The following BABAM2 variants were observed in gnomAD, a reference collection of about 807,000 sequenced individuals.
BABAM2 encodes BRISC and BRCA1-A complex member 2.
In BABAM2, 31 loss-of-function variants were observed where a neutral mutation model predicts 54.7. The ratio of observed to expected loss-of-function variants is 0.57; its 90% confidence interval spans 0.43 to 0.77. BABAM2 has a LOEUF of 0.77. Ranked by LOEUF, BABAM2 falls within the 30% of genes least tolerant of loss-of-function variation. The probability of loss-of-function intolerance (pLI) is 0.00; values close to 1 mark genes in which losing one functional copy is unlikely to be tolerated. For missense variants in BABAM2, 364 were observed against 455.8 expected (o/e 0.80, Z 1.83); for synonymous variants, 167 against 162.9 (o/e 1.03, Z -0.19).
At chr2:28,164,265 G>C (rs1381742401) in intron 7 of BABAM2, among the ~76,000 whole-genome samples, 3 of 152,184 alleles carry the variant, frequency 2.0e-5, no homozygotes, top group Non-Finnish European at 4.4e-5. Context: ...CTTCCCTTCA[G>C]TGTGTTTTTT....
chr2:28,170,478 A>G (rs983320505), intron 7 of BABAM2, among the ~76,000 whole-genome samples: 4 of 152,116 alleles, frequency 2.6e-5, no homozygotes, highest in African/African-American at 9.6e-5. Flanking sequence ...AGTGTATATA[A>G]AAAGCTAGGA....
intron 7 of BABAM2, among the ~76,000 whole-genome samples, chr2:28,171,570 T>G (rs1022869815): frequency 1.3e-5 from 2 of 152,232 alleles, no homozygotes; most frequent in Non-Finnish European, 2.9e-5. Context: ...AAGGCATTTT[T>G]TAAGCAGCCT....
At chr2:28,149,870 T>C (rs1032865325) in intron 7 of BABAM2, among the ~76,000 whole-genome samples, 4 of 152,224 alleles carry the variant, frequency 2.6e-5, no homozygotes, top group Admixed American at 2.6e-4. Flanking sequence ...AGTGTATTTA[T>C]TAGTGAATTG....
At chr2:27,963,082 T>C (rs1327246694) in intron 3 of BABAM2, among the ~76,000 whole-genome samples, 1 of 151,994 alleles carries the variant, frequency 6.6e-6, no homozygotes, top group African/African-American at 2.4e-5. Flanking sequence ...CAAGTGGAAT[T>C]ACTAGAATTA....
intron 10 of BABAM2, among the ~76,000 whole-genome samples, chr2:28,261,219 G>A (rs2148133138): frequency 6.6e-6 from 1 of 151,842 alleles, no homozygotes; most frequent in South Asian, 2.1e-4. Context: ...TGGGATTACG[G>A]GCATGAGCCA....
At chr2:28,187,076 A>G (rs1313872623) in intron 7 of BABAM2, among the ~76,000 whole-genome samples, 1 of 152,162 alleles carries the variant, frequency 6.6e-6, no homozygotes, top group Non-Finnish European at 1.5e-5. Flanking sequence ...AAGTACTGGG[A>G]TTGCAGGCGT....
At chr2:28,195,507 T>C (rs1677426566) in intron 7 of BABAM2, among the ~76,000 whole-genome samples, 1 of 152,214 alleles carries the variant, frequency 6.6e-6, no homozygotes. Context: ...ATGAGGACAG[T>C]GTAACAAACT....
At chr2:28,209,752 T>TAGGA (rs1679251720) in intron 7 of BABAM2, among the ~76,000 whole-genome samples, 3 of 152,182 alleles carry the variant, frequency 2.0e-5, no homozygotes. Context: ...TTCCTGCCAT[T>TAGGA]AGGAGACAGT....
intron 7 of BABAM2, among the ~76,000 whole-genome samples, chr2:28,231,599 G>C (rs1681393308): frequency 6.6e-6 from 1 of 151,946 alleles, no homozygotes; most frequent in Admixed American, 6.6e-5. Flanking sequence ...CTCTCCCTCA[G>C]AACCCAATTC....
chr2:28,116,870 G>A (rs777103644), intron 6 of BABAM2, among the ~76,000 whole-genome samples: 75 of 152,268 alleles, frequency 4.9e-4, no homozygotes, highest in Non-Finnish European at 9.3e-4. Context: ...AAAAATGAAA[G>A]CATGTGATCT....
intron 2 of BABAM2, among the ~76,000 whole-genome samples, chr2:27,920,345 T>C (rs1249553033): frequency 6.6e-6 from 1 of 152,186 alleles, no homozygotes; most frequent in Non-Finnish European, 1.5e-5. Flanking sequence ...AAAATGCTCA[T>C]GTTTTAGATT....
intron 6 of BABAM2, among the ~76,000 whole-genome samples, chr2:28,066,298 G>T (rs1223856105): frequency 6.6e-6 from 1 of 152,098 alleles, no homozygotes; most frequent in East Asian, 1.9e-4. Flanking sequence ...AATGTGGTCA[G>T]TGTTCCTCAC....
At chr2:28,175,470 C>T (rs1183503930) in intron 7 of BABAM2, among the ~76,000 whole-genome samples, 1 of 152,176 alleles carries the variant, frequency 6.6e-6, no homozygotes, top group Non-Finnish European at 1.5e-5. Context: ...ATTATCCCAC[C>T]CTGTCCCCAC....
chr2:28,297,334 T>C (rs1190327321), intron 10 of BABAM2, among the ~76,000 whole-genome samples: 1 of 152,230 alleles, frequency 6.6e-6, no homozygotes, highest in Non-Finnish European at 1.5e-5. Context: ...ATAACGTGTA[T>C]AAAGATACCC....
intron 4 of BABAM2, among the ~76,000 whole-genome samples, chr2:28,012,646 A>T (rs1674478325): frequency 6.6e-6 from 1 of 152,196 alleles, no homozygotes; most frequent in African/African-American, 2.4e-5. Context: ...CACGGTGCTT[A>T]TGTTCAATAA....
chr2:28,314,700 A>G (rs1355672006), intron 11 of BABAM2, among the ~76,000 whole-genome samples: 1 of 152,220 alleles, frequency 6.6e-6, no homozygotes, highest in Admixed American at 6.5e-5. Context: ...AGGAGGGATG[A>G]GAATTGCACA....
chr2:28,285,701 G>A (rs1686732223), intron 10 of BABAM2, among the ~76,000 whole-genome samples: 1 of 151,530 alleles, frequency 6.6e-6, no homozygotes, highest in African/African-American at 2.4e-5. Flanking sequence ...CTTCCACTCA[G>A]CATCTCCCTT....
At chr2:27,942,623 C>T (rs1213258147) in intron 3 of BABAM2, among the ~76,000 whole-genome samples, 1 of 151,820 alleles carries the variant, frequency 6.6e-6, no homozygotes, top group African/African-American at 2.4e-5. Context: ...CTGCCTCAGC[C>T]TCCTGAAGTG....
chr2:28,160,740 T>TG (rs978724925), intron 7 of BABAM2, among the ~76,000 whole-genome samples: 2 of 151,546 alleles, frequency 1.3e-5, no homozygotes, highest in South Asian at 2.1e-4. Context: ...AAATTGTTTT[T>TG]TTTTTTTTTT....
Sources: gnomAD v4.1 joint callset for allele counts (sites outside exome capture counted in the v4.1 genomes callset) on GRCh38, gnomAD v4.1.1 for gene constraint, MANE v1.5 for transcripts, NCBI Gene and HGNC (gene_info 2026-07-23, HGNC 2026-07-21) for gene names.